Variants in TNK1 observed in about 807,000 individuals in gnomAD.
TNK1 encodes the protein non-receptor tyrosine-protein kinase TNK1.
A neutral mutation model predicts 65.2 loss-of-function variants in TNK1; 53 were observed. That is an observed-to-expected ratio of 0.81 (90% CI 0.65 to 1.02). The LOEUF (loss-of-function observed/expected upper bound fraction) is 1.02. TNK1 is among the 50% of genes least tolerant of loss of function. TNK1 has a pLI of 0.00. For synonymous variants in TNK1, 353 were observed against 364.6 expected (o/e 0.97, Z 0.36); for missense variants, 837 against 878.4 (o/e 0.95, Z 0.60).
chr17:7,388,869 A>T lies in TNK1; in HGVS notation c.1858A>T (p.Ile620Phe). Residue 620 changes from isoleucine (I) to phenylalanine (F), a missense_variant, in exon 12 of 13, where the codon ATC becomes TTC. Ile to Phe is a conservative substitution (Grantham distance 21). Coordinates refer to ENST00000688331, the MANE Select transcript of TNK1 (RefSeq NM_003985.6). The surrounding 1 kb of genome is among the most constrained non-coding windows in gnomAD (Gnocchi z 4.5). Reference sequence around the variant, plus strand: ...CACTGGGGGAGATGTGGTTTCTGCCATCCGGAACCTCAAGGTAAAGCCAGC... The same window carrying T: ...CACTGGGGGAGATGTGGTTTCTGCCTTCCGGAACCTCAAGGTAAAGCCAGC... ...GATGGDVVSA[I>F]RNLKVDQLFH... is the part of the protein sequence containing the mutation. 1 of 1,598,936 alleles carries T rather than the reference A, an allele frequency of 6.3e-7. No individual in the cohort carries two copies. The highest frequency in any genetic ancestry group is 8.5e-7 in the Non-Finnish European group (1 of 1,172,810).
In TNK1 at chr17:7,386,990, C is replaced by A. The variant is rs757301286; in HGVS notation, c.1233C>A (p.Ser411Arg). Residue 411 changes from serine (S) to arginine (R), a missense_variant and splice_region_variant, in exon 9 of 13, where the codon AGC (serine) becomes AGA (arginine). Ser to Arg is a moderately radical substitution (Grantham distance 110, BLOSUM62 -1). Transcript: ENST00000688331. ...TGDPITVIEG[S>R]PDSTIWKGQN... ...TATTTACCAGCTCCTCTTTCCACAGCCCCGACTCCACAATCTGGAAGGGCC... is the reference window on the plus strand; with the variant it reads ...TATTTACCAGCTCCTCTTTCCACAGACCCGACTCCACAATCTGGAAGGGCC... 3.9e-6 allele frequency: 6 copies of A among 1,555,892 alleles called. No homozygotes were observed. The highest frequency in any genetic ancestry group is 5.2e-6 in the Non-Finnish European group (6 of 1,149,272).
intron 7 of TNK1, among the ~76,000 whole-genome samples, chr17:7,385,751 G>A (rs918475378): frequency 6.6e-6 from 1 of 152,136 alleles, no homozygotes; most frequent in Non-Finnish European, 1.5e-5. Flanking sequence ...TTTTAGTAGA[G>A]ATGGGGTTTC....
rs1204747139 is a variant in TNK1 at position 7,383,781 on chromosome 17, C to T, written c.499C>T (p.Arg167Ter). 3 of 1,612,944 alleles carry T rather than the reference C, an allele frequency of 1.9e-6. No individual in the cohort carries two copies. Among genetic ancestry groups the T allele is most frequent in the South Asian group, 2.2e-5 (2 of 90,782 alleles). Residue 167 changes from arginine (R) to a stop codon, truncating the protein, a stop_gained, in exon 5 of 13, where the codon CGA becomes TGA. Coordinates refer to ENST00000688331, the MANE Select transcript of TNK1 (RefSeq NM_003985.6). LOFTEE classifies it high-confidence loss of function. ...GGGCACAGAACTGGGGGACTTCCTG[C>T]GAGAGGTATCGGTCATGATGAACTT... is the stretch of plus-strand genomic sequence containing the variant. ...PMGTELGDFL[R>*]EVSVMMNLEH... is the part of the protein sequence containing the mutation.
chr17:7,384,711 C>G lies in TNK1; in HGVS notation c.1094C>G (p.Ala365Gly). 1 of 1,588,662 alleles carries G rather than the reference C, an allele frequency of 6.3e-7. No individual in the cohort carries two copies. The highest frequency in any genetic ancestry group is 8.5e-7 in the Non-Finnish European group (1 of 1,170,706). The part of the protein sequence containing the change: ...LALRCWAPHP[A>G]DRPSFSHLEG... The stretch of plus-strand genomic sequence containing the variant: ...TTGCGCTGCTGGGCCCCCCACCCTG[C>G]CGACCGGCCTAGCTTTTCCCACCTG... The change falls in exon 7 of 13, where the codon GCC (alanine) becomes GGC (glycine). Residue 365 changes from alanine (A) to glycine (G), a missense_variant. Coordinates refer to ENST00000688331, the MANE Select transcript of TNK1 (RefSeq NM_003985.6).
rs1904866025 is a variant in TNK1 at position 7,382,341 on chromosome 17, T to C, written c.-91-495T>C. On this transcript the variant is annotated intron_variant, in intron 1 of 12. Transcript: ENST00000688331. This position sits in a 1 kb window ranked among gnomAD's most constrained non-coding sequence, Gnocchi z 4.1. The stretch of plus-strand genomic sequence containing the variant: ...CAGTATATCTGTAGGTCTCAGTGTG[T>C]GTGTGTGGCAGCATGTGGGAGGCAG... Among the ~76,000 whole-genome samples, 1 of 150,960 alleles carries C rather than the reference T, an allele frequency of 6.6e-6. No individual in the cohort carries two copies. The highest frequency in any genetic ancestry group is 2.4e-5 in the African/African-American group (1 of 41,050).
chr17:7,383,557 G>C lies in TNK1; in HGVS notation c.367G>C (p.Gly123Arg). ...EGAVCRGELL[G>R]SGCFGVVHRG... is the part of the protein sequence containing the mutation. ...TGCTGTTTGCAGAGGGGAGCTGCTGGGTTCAGGCTGCTTCGGTGTGGTGCA... is the reference window on the plus strand; with the variant it reads ...TGCTGTTTGCAGAGGGGAGCTGCTGCGTTCAGGCTGCTTCGGTGTGGTGCA... The change falls in exon 4 of 13, where the codon GGT (glycine) becomes CGT (arginine). Residue 123 changes from glycine (G) to arginine (R), a missense_variant. By Grantham distance (125) the Gly-to-Arg change is moderately radical. Coordinates refer to ENST00000688331, the MANE Select transcript of TNK1 (RefSeq NM_003985.6). The C allele has an allele frequency of 3.1e-6, 5 of 1,613,188 alleles. No homozygotes were observed. Among genetic ancestry groups the C allele is most frequent in the Non-Finnish European group, 3.4e-6 (4 of 1,179,516 alleles).
intron 8 of TNK1, 156 bp from the exon 9 acceptor site, chr17:7,386,833 TG>T: frequency 8.5e-7 from 1 of 1,171,900 alleles, no homozygotes; most frequent in Non-Finnish European, 1.2e-6. Context: ...GAGCCACTGC[TG>T]GCCCATAGAG....
chr17:7,385,233 T>C lies in TNK1; in HGVS notation c.1137+479T>C, dbSNP rs187975010. On this transcript the variant is annotated intron_variant, in intron 7 of 12. Transcript: ENST00000688331. ...ATACAAAATTAGCTGGGTCTGGTGGTGCATGCCTGTAATCCCAGCTACTCG... is the reference window on the plus strand; with the variant it reads ...ATACAAAATTAGCTGGGTCTGGTGGCGCATGCCTGTAATCCCAGCTACTCG... Among the ~76,000 whole-genome samples, 93 of 151,546 alleles carry C rather than the reference T, an allele frequency of 6.1e-4. 2 individuals carry two copies. The East Asian group carries it at 6.9e-3, about 11-fold the overall frequency.
At position 7,382,265 on chromosome 17, in the gene TNK1, CAAA is replaced by C. The variant is rs56148256; in HGVS notation, c.-91-558_-91-556del. Among the ~76,000 whole-genome samples, 4 of 137,516 alleles carry C rather than the reference CAAA, an allele frequency of 2.9e-5. No individual in the cohort carries two copies. The highest frequency in any genetic ancestry group is 1.4e-4 in the Admixed American group (2 of 13,806). The allele number at this position is 137,516 out of a possible 152,430, so 90.2% of individuals were successfully genotyped here. A position where few individuals can be genotyped will look rare whatever the true frequency, so the allele number is the denominator to read the frequency against. On this transcript the variant is annotated intron_variant, in intron 1 of 12. Transcript: ENST00000688331. The surrounding 1 kb of genome is among the most constrained non-coding windows in gnomAD (Gnocchi z 4.1). ...TAGATGACAGAGCGAGACTCCGTCTCAAAAAAAAAAAAAAAGAGGACATGTATT... is the reference window on the plus strand; with the variant it reads ...TAGATGACAGAGCGAGACTCCGTCTCAAAAAAAAAAAAGAGGACATGTATT...
chr17:7,385,689 C>T (rs569228217), intron 7 of TNK1, among the ~76,000 whole-genome samples: 17 of 152,106 alleles, frequency 1.1e-4, no homozygotes, highest in Admixed American at 2.6e-4. Flanking sequence ...TTCAGCCTCC[C>T]GAGTAGCTGG....
In TNK1 at chr17:7,388,525, C is replaced by T. The variant is rs1044207939; in HGVS notation, c.1597C>T (p.Pro533Ser). 1.2e-6 allele frequency: 2 copies of T among 1,613,872 alleles called. No homozygotes were observed. Among genetic ancestry groups the T allele is most frequent in the African/African-American group, 2.7e-5 (2 of 74,924 alleles). The change falls in exon 11 of 13, where the codon CCA (proline) becomes TCA (serine). Residue 533 changes from proline to serine, a missense_variant. Transcript: ENST00000688331. This position sits in a 1 kb window ranked among gnomAD's most constrained non-coding sequence, Gnocchi z 4.5. ...AVPQGPPGLP[P>S]RPPLSSSSPQ... Reference sequence around the variant, plus strand: ...GCCCCAGGGACCTCCAGGCCTGCCTCCACGCCCACCTTTATCCTCTAGCTC... The same window carrying T: ...GCCCCAGGGACCTCCAGGCCTGCCTTCACGCCCACCTTTATCCTCTAGCTC...
intron 6 of TNK1, 74 bp from the exon 7 acceptor site, chr17:7,384,410 C>G: frequency 2.1e-6 from 3 of 1,451,796 alleles, no homozygotes; most frequent in Non-Finnish European, 1.8e-6. Context: ...TGGGTGCACT[C>G]GGGGGTGCTC....
chr17:7,386,778 C>G, intron 8 of TNK1, 123 bp downstream of exon 8: 1 of 1,095,100 alleles, frequency 9.1e-7, no homozygotes, highest in South Asian at 1.5e-5. Context: ...TCTCCTCTCC[C>G]CACTGGGTCC....
chr17:7,382,841 G>C lies in TNK1; in HGVS notation c.-86G>C. On this transcript the variant is annotated 5_prime_UTR_variant, in exon 2 of 13. Coordinates refer to ENST00000688331, the MANE Select transcript of TNK1 (RefSeq NM_003985.6). This position sits in a 1 kb window ranked among gnomAD's most constrained non-coding sequence, Gnocchi z 4.1. ...GTGTTTCTAATGACTTGCAGGTGGA[G>C]CTGGAGACCTGGTCTCTCTAGGGCC... is the stretch of plus-strand genomic sequence containing the variant. 6.9e-7 allele frequency: 1 copy of C among 1,449,366 alleles called. No homozygotes were observed. The highest frequency in any genetic ancestry group is 1.3e-5 in the South Asian group (1 of 76,584). 89.8% of individuals were successfully genotyped at this position (1,449,366 alleles called of 1,614,324 possible).
chr17:7,386,890 G>C, intron 8 of TNK1, 100 bp from the exon 9 acceptor site: 1 of 1,414,294 alleles, frequency 7.1e-7, no homozygotes, highest in Non-Finnish European at 9.4e-7. Context: ...AGGCAGATGC[G>C]GCTCCAAGGC....
intron 10 of TNK1, 111 bp downstream of exon 10, chr17:7,387,568 C>T: frequency 1.1e-6 from 1 of 886,178 alleles, no homozygotes; most frequent in Non-Finnish European, 1.7e-6. Context: ...CCTCTGAATT[C>T]TGTCTGCTGG....
Position 7,383,109 on chromosome 17 carries a change from A to T in TNK1, c.163+20A>T. ...GGCCTGGTGAGGGACCCCTGCCCCG[A>T]GGCCCTGGTCTCTCTGTCCACAGCC... On this transcript the variant is annotated intron_variant, in intron 2 of 12. Transcript: ENST00000688331. 1 of 1,613,654 alleles carries T rather than the reference A, an allele frequency of 6.2e-7. No individual in the cohort carries two copies. Among genetic ancestry groups the T allele is most frequent in the Non-Finnish European group, 8.5e-7 (1 of 1,179,730 alleles).
chr17:7,382,970 G>A lies in TNK1; in HGVS notation c.44G>A (p.Arg15Gln), dbSNP rs199784773. Reference sequence around the variant, plus strand: ...TCCCTGTGGCTACTGAAGCTGCTCCGGGACATCCAGTTGGCCCAGTTTTAC... The same window carrying A: ...TCCCTGTGGCTACTGAAGCTGCTCCAGGACATCCAGTTGGCCCAGTTTTAC... ...AGSLWLLKLL[R>Q]DIQLAQFYWP... Residue 15 changes from arginine to glutamine, a missense_variant, in exon 2 of 13, where the codon CGG becomes CAG. Transcript: ENST00000688331. The surrounding 1 kb of genome is among the most constrained non-coding windows in gnomAD (Gnocchi z 4.1). The A allele has an allele frequency of 2.3e-4, 377 of 1,613,910 alleles. No individual in the cohort carries two copies. Among genetic ancestry groups the A allele is most frequent in the Non-Finnish European group, 3.0e-4 (358 of 1,179,912 alleles).
At position 7,389,536 on chromosome 17, in the gene TNK1, A is replaced by G. The variant is rs146106350; in HGVS notation, c.*452A>G. The G allele has an allele frequency of 7.6e-5, 28 of 367,814 alleles. No individual in the cohort carries two copies. In the Admixed American group the frequency reaches 9.8e-4, roughly 13 times the overall value. The allele number at this position is 367,814 out of a possible 1,614,324, so 22.8% of individuals were successfully genotyped here. A position where few individuals can be genotyped will look rare whatever the true frequency, so the allele number is the denominator to read the frequency against. Reference sequence around the variant, plus strand: ...GGAAGCCACCATATTGACTTGGGGTATAGGCCCAAACTGCCTTCGTTTGGT... The same window carrying G: ...GGAAGCCACCATATTGACTTGGGGTGTAGGCCCAAACTGCCTTCGTTTGGT... On this transcript the variant is annotated 3_prime_UTR_variant, in exon 13 of 13. Transcript: ENST00000688331.
Sources: gnomAD v4.1 joint callset for allele counts (sites outside exome capture counted in the v4.1 genomes callset) on GRCh38, gnomAD v4.1.1 for gene constraint, Gnocchi (gnomAD v3.1) non-coding constraint, MANE v1.5 for transcripts, NCBI Gene and HGNC (gene_info 2026-07-23, HGNC 2026-07-21) for gene names.